ANGPT1: variants seen among roughly 807,000 people sequenced by gnomAD.
The protein encoded by ANGPT1 is angiopoietin 1.
In ANGPT1, 17 loss-of-function variants were observed where a neutral mutation model predicts 62.2. That is an observed-to-expected ratio of 0.27 (90% confidence interval 0.19 to 0.41). The LOEUF is 0.41. ANGPT1 is among the 10% of genes least tolerant of loss of function. ANGPT1 has a pLI of 1.00. For synonymous variants in ANGPT1, 199 were observed against 198.9 expected, an observed-to-expected ratio of 1.00 and a Z score of 0.00; for missense variants, 478 against 594.9, an observed-to-expected ratio of 0.80 and a Z score of 2.04.
chr8:107,341,390 G>GA (rs996099584), intron 2 of ANGPT1, among the ~76,000 whole-genome samples: 10 of 151,642 alleles, frequency 6.6e-5, no homozygotes, highest in South Asian at 6.2e-4. Flanking sequence ...CAATATCAGG[G>GA]AAAAAAAGTA....
At chr8:107,469,082 A>G (rs920235429) in intron 1 of ANGPT1, among the ~76,000 whole-genome samples, 2 of 152,070 alleles carry the variant, frequency 1.3e-5, no homozygotes, top group South Asian at 2.1e-4. Context: ...TCATTCATTT[A>G]GTACTTTTTC....
chr8:107,488,596 A>T (rs969968082), intron 1 of ANGPT1, among the ~76,000 whole-genome samples: 1 of 152,228 alleles, frequency 6.6e-6, no homozygotes, highest in Non-Finnish European at 1.5e-5. Flanking sequence ...GTTATTAAAT[A>T]TTCAACTTAT....
chr8:107,285,763 A>G (rs973603543), intron 6 of ANGPT1, among the ~76,000 whole-genome samples: 7 of 152,078 alleles, frequency 4.6e-5, no homozygotes, highest in African/African-American at 1.7e-4. Flanking sequence ...TGGAGTATTC[A>G]CAATTGCCTC....
At chr8:107,394,805 T>C (rs577485702) in intron 1 of ANGPT1, among the ~76,000 whole-genome samples, 1 of 152,296 alleles carries the variant, frequency 6.6e-6, no homozygotes, top group East Asian at 1.9e-4. Context: ...ACATTAATTT[T>C]TGTACTCATT....
intron 8 of ANGPT1, among the ~76,000 whole-genome samples, chr8:107,262,432 G>C (rs1206717435): frequency 1.3e-5 from 2 of 152,192 alleles, no homozygotes; most frequent in Admixed American, 6.5e-5. Context: ...AGCTGTGCTA[G>C]ATGTTTGGGA....
chr8:107,472,148 G>C (rs752444490), intron 1 of ANGPT1, among the ~76,000 whole-genome samples: 3 of 152,006 alleles, frequency 2.0e-5, no homozygotes, highest in Non-Finnish European at 4.4e-5. Context: ...TTGAAAAAGA[G>C]AACACAGAAT....
intron 2 of ANGPT1, among the ~76,000 whole-genome samples, chr8:107,338,414 T>G (rs73701098): frequency 0.044 from 6,673 of 152,266 alleles, 468 homozygotes; most frequent in African/African-American, 0.15. Flanking sequence ...GTGGTCTCAC[T>G]TGCCTCACCC....
chr8:107,264,173 C>T, intron 8 of ANGPT1, 48 bp downstream of exon 8: 1 of 1,580,546 alleles, frequency 6.3e-7, no homozygotes, highest in East Asian at 2.3e-5. Context: ...AAACCTTAAG[C>T]CCCAAACCAA....
intron 1 of ANGPT1, among the ~76,000 whole-genome samples, chr8:107,443,696 G>A (rs1042185293): frequency 2.0e-5 from 3 of 151,328 alleles, no homozygotes; most frequent in Admixed American, 1.3e-4. Context: ...GCGCATGGCT[G>A]TAATTCCAGC....
chr8:107,483,378 T>A (rs16876348), intron 1 of ANGPT1, among the ~76,000 whole-genome samples: 8,059 of 152,182 alleles, frequency 0.053, 244 homozygotes, highest in South Asian at 0.11. Context: ...TGAGTATGAG[T>A]TTTCCACTGC....
intron 1 of ANGPT1, among the ~76,000 whole-genome samples, chr8:107,368,090 T>C (rs1816313145): frequency 6.6e-6 from 1 of 152,222 alleles, no homozygotes; most frequent in South Asian, 2.1e-4. Flanking sequence ...TCATTGTCTA[T>C]GGCAGCTTTA....
In ANGPT1 at chr8:107,300,728, G is replaced by C. The variant is rs561985044; in HGVS notation, c.936+2512C>G. 8.9e-4 allele frequency among the ~76,000 whole-genome samples: 135 copies of C among 151,976 alleles called. No individual in the cohort carries two copies. The South Asian group carries it at 9.8e-3, about 11-fold the overall frequency. On this transcript the variant is annotated intron_variant, in intron 5 of 8. Transcript: ENST00000517746. Reference sequence around the variant, plus strand: ...TTTTTTCTTAGCCTAAATATCAGAAGTTAATTCAGTAGGTACTTGACATTT... The same window carrying C: ...TTTTTTCTTAGCCTAAATATCAGAACTTAATTCAGTAGGTACTTGACATTT...
chr8:107,414,801 C>T (rs1563612289), intron 1 of ANGPT1, among the ~76,000 whole-genome samples: 2 of 152,132 alleles, frequency 1.3e-5, no homozygotes. Flanking sequence ...ATTTGGACAT[C>T]TCATTTGTCT....
intron 1 of ANGPT1, among the ~76,000 whole-genome samples, chr8:107,497,011 A>G (rs1186266630): frequency 1.3e-5 from 2 of 152,338 alleles, no homozygotes; most frequent in East Asian, 3.9e-4. Context: ...AAGAGAAACC[A>G]AAAATGTCAT....
At position 107,443,939 on chromosome 8, in the gene ANGPT1, G is replaced by A. The variant is rs147938078; in HGVS notation, c.297+53323C>T. On this transcript the variant is annotated intron_variant, in intron 1 of 8. Transcript: ENST00000517746. The stretch of plus-strand genomic sequence containing the variant: ...GCAGACAAACACAAAATGAATTCTC[G>A]TTAATGTCTTCTCTCAGATTTTAAG... Among the ~76,000 whole-genome samples the A allele has an allele frequency of 9.9e-3, 1,501 of 152,066 alleles. 11 individuals are homozygous for A. Among genetic ancestry groups the A allele is most frequent in the Non-Finnish European group, 0.016 (1,063 of 67,990 alleles).
intron 8 of ANGPT1, among the ~76,000 whole-genome samples, chr8:107,252,883 T>C (rs566731329): frequency 6.6e-6 from 1 of 152,350 alleles, no homozygotes; most frequent in Admixed American, 6.5e-5. Flanking sequence ...GAGAGATTTA[T>C]GCCAGAGACA....
intron 1 of ANGPT1, among the ~76,000 whole-genome samples, chr8:107,488,476 T>C (rs1193960588): frequency 3.3e-5 from 5 of 152,222 alleles, no homozygotes; most frequent in Non-Finnish European, 5.9e-5. Flanking sequence ...TTCTAGATAT[T>C]AAACTTCTGC....
At chr8:107,412,480 AAC>A (rs749081620) in intron 1 of ANGPT1, among the ~76,000 whole-genome samples, 38 of 152,096 alleles carry the variant, frequency 2.5e-4, no homozygotes, top group Non-Finnish European at 4.1e-4. Context: ...AAAAAACAAA[AAC>A]AGACTGATTC....
chr8:107,366,491 T>A (rs1816276144), intron 1 of ANGPT1, among the ~76,000 whole-genome samples: 1 of 152,230 alleles, frequency 6.6e-6, no homozygotes, highest in Non-Finnish European at 1.5e-5. Context: ...TGCTGTGTTT[T>A]TTTAAGATCA....
Sources: gnomAD v4.1 joint callset for allele counts (sites outside exome capture counted in the v4.1 genomes callset) on GRCh38, gnomAD v4.1.1 for gene constraint, MANE v1.5 for transcripts, NCBI Gene and HGNC (gene_info 2026-07-23, HGNC 2026-07-21) for gene names.